The following NAV2 variants were observed in gnomAD, a reference collection of about 807,000 sequenced individuals.
NAV2 encodes the protein neuron navigator 2.
NAV2 carries 54 observed loss-of-function variants against 223.2 expected under a neutral mutation model. That is an observed-to-expected ratio of 0.24 (90% CI 0.19 to 0.30). The LOEUF is 0.30. Ranked by LOEUF, NAV2 falls within the 10% of genes least tolerant of loss-of-function variation. The probability of loss-of-function intolerance (pLI) is 1.00; values close to 1 mark genes in which losing one functional copy is unlikely to be tolerated. For synonymous variants in NAV2, 1,279 were observed against 1,239.3 expected (o/e 1.03, Z -0.67); for missense variants, 2,806 against 3,147.5 (o/e 0.89, Z 2.60).
At chr11:19,591,751 C>T (rs940827530) in intron 1 of NAV2, among the ~76,000 whole-genome samples, 7 of 152,170 alleles carry the variant, frequency 4.6e-5, no homozygotes, top group Non-Finnish European at 7.3e-5. Flanking sequence ...TAGGGCTTAG[C>T]CTTGGGAGGA....
intron 1 of NAV2, chr11:19,759,970 C>A (rs537587422): frequency 1.7e-4 from 26 of 154,350 alleles, no homozygotes; most frequent in Admixed American, 3.9e-4. Context: ...CCATAGCATC[C>A]TTCAAAGCTG....
intron 1 of NAV2, among the ~76,000 whole-genome samples, chr11:19,592,991 G>T (rs998027658): frequency 1.3e-5 from 2 of 152,100 alleles, no homozygotes; most frequent in African/African-American, 4.8e-5. Context: ...TCAGAACCAG[G>T]CAATTGACTG....
At chr11:19,868,770 T>C (rs878938731) in intron 3 of NAV2, among the ~76,000 whole-genome samples, 155 bp from the exon 4 acceptor site, 2 of 152,208 alleles carry the variant, frequency 1.3e-5, no homozygotes, top group Admixed American at 1.3e-4. Flanking sequence ...GGTAACCTTT[T>C]TCCTGTGCAA....
Position 19,880,094 on chromosome 11 carries a change from A to G in NAV2, c.737A>G (p.Gln246Arg). 1.2e-6 allele frequency: 2 copies of G among 1,604,534 alleles called. No homozygotes were observed. Among genetic ancestry groups the G allele is most frequent in the Non-Finnish European group, 8.5e-7 (1 of 1,173,970 alleles). Residue 246 changes from glutamine (Q) to arginine (R), a missense_variant, in exon 5 of 38, where the codon CAG becomes CGG. Gln to Arg is a conservative substitution (Grantham distance 43). This residue lies in a region of NAV2 where 1,167 missense variants were observed against 1,180.5 expected (regional missense o/e 0.99). Transcript: ENST00000349880. ...CAGCCTCACCAGCCAGCGCCACATC[A>G]GCAGTCAAAAGCACAAGCTGAAATG... is the stretch of plus-strand genomic sequence containing the variant. ...PCQPHQPAPH[Q>R]QSKAQAEMQS... is the part of the protein sequence containing the mutation.
intron 1 of NAV2, among the ~76,000 whole-genome samples, chr11:19,605,231 A>G (rs1261871970): frequency 6.6e-6 from 1 of 152,088 alleles, no homozygotes. Flanking sequence ...AAGAAAAAAT[A>G]CCCACAGCTG....
intron 1 of NAV2, among the ~76,000 whole-genome samples, chr11:19,720,675 C>G (rs531799488): frequency 2.6e-5 from 4 of 152,296 alleles, no homozygotes; most frequent in African/African-American, 9.6e-5. Context: ...ATACTAGTCA[C>G]GGATATCGAT....
rs890272417 is a variant in NAV2 at position 19,998,207 on chromosome 11, C to G, written c.2768+13960C>G. On this transcript the variant is annotated intron_variant, in intron 11 of 37. Transcript: ENST00000349880. The surrounding 1 kb of genome is among the most constrained non-coding windows in gnomAD (Gnocchi z 5.0). ...CCCTTTTCCTTCCAGTCGGCAAACT[C>G]CCCCCAAACAGTTTCAAATCTCTCA... 8.6e-5 allele frequency among the ~76,000 whole-genome samples: 13 copies of G among 151,952 alleles called. No homozygotes were observed. Among genetic ancestry groups the G allele is most frequent in the Non-Finnish European group, 1.6e-4 (11 of 67,992 alleles).
Position 19,712,916 on chromosome 11 carries a change from C to T in NAV2, c.-780C>T, listed in dbSNP as rs908810449. Among the ~76,000 whole-genome samples, 4 of 151,410 alleles carry T rather than the reference C, an allele frequency of 2.6e-5. No individual in the cohort carries two copies. The highest frequency in any genetic ancestry group is 1.3e-4 in the Admixed American group (2 of 15,184). ...GGCCGCTCCCGAGCGCAGCCCTGCCCGGCCCGCCAGCCGCGCGTCCCGGCG... is the reference window on the plus strand; with the variant it reads ...GGCCGCTCCCGAGCGCAGCCCTGCCTGGCCCGCCAGCCGCGCGTCCCGGCG... On this transcript the variant is annotated 5_prime_UTR_variant, in exon 1 of 38. Coordinates refer to ENST00000349880, the MANE Select transcript of NAV2 (RefSeq NM_145117.5).
intron 11 of NAV2, among the ~76,000 whole-genome samples, chr11:20,031,542 C>G (rs1051925606): frequency 1.3e-5 from 2 of 152,190 alleles, no homozygotes; most frequent in Admixed American, 1.3e-4. Context: ...TTTACTATTT[C>G]TCATGGCTGG....
At chr11:19,859,137 C>CTCTTT (rs1467179579) in intron 3 of NAV2, among the ~76,000 whole-genome samples, 2 of 107,108 alleles carry the variant, frequency 1.9e-5, no homozygotes, top group African/African-American at 6.8e-5. Flanking sequence ...ATCATATTCT[C>CTCTTT]TTTTTTTTTT....
intron 1 of NAV2, among the ~76,000 whole-genome samples, chr11:19,611,837 A>G (rs890513131): frequency 6.6e-6 from 1 of 152,204 alleles, no homozygotes; most frequent in Non-Finnish European, 1.5e-5. Flanking sequence ...GGTCTGGAGA[A>G]TGGTGGCCCT....
intron 32 of NAV2, among the ~76,000 whole-genome samples, chr11:20,101,805 C>T (rs769175048): frequency 2.0e-5 from 3 of 152,182 alleles, no homozygotes; most frequent in Non-Finnish European, 4.4e-5. Flanking sequence ...TGGAGCCTGA[C>T]CTGGTCCCAG....
At chr11:19,518,582 C>T (rs2043538730) in intron 1 of NAV2, 1 of 152,224 alleles carries the variant, frequency 6.6e-6, no homozygotes, top group Non-Finnish European at 1.5e-5. Context: ...TTTTGTTGGG[C>T]TTTTCCTTCA....
At chr11:19,924,946 A>G (rs56960950) in intron 6 of NAV2, among the ~76,000 whole-genome samples, 4,436 of 152,292 alleles carry the variant, frequency 0.029, 218 homozygotes, top group African/African-American at 0.1. Flanking sequence ...GCAGGATAAC[A>G]AGGGTCAGGG....
At chr11:19,434,120 A>C (rs1255113944) in intron 1 of NAV2, among the ~76,000 whole-genome samples, 1 of 152,176 alleles carries the variant, frequency 6.6e-6, no homozygotes, top group Non-Finnish European at 1.5e-5. Flanking sequence ...AAAAAAAAAA[A>C]AGAGGAGAAC....
intron 10 of NAV2, among the ~76,000 whole-genome samples, chr11:19,963,199 C>G (rs1322215018): frequency 6.6e-6 from 1 of 152,132 alleles, no homozygotes; most frequent in Non-Finnish European, 1.5e-5. Flanking sequence ...GTGTTGAGCT[C>G]TTTACATGCT....
Position 19,398,781 on chromosome 11 carries a change from C to T in NAV2, c.75+47754C>T, listed in dbSNP as rs140284643. Among the ~76,000 whole-genome samples the T allele has an allele frequency of 7.7e-4, 118 of 152,338 alleles. 1 individual carries two copies. The highest frequency in any genetic ancestry group is 2.8e-3 in the African/African-American group (115 of 41,584). On this transcript the variant is annotated intron_variant, in intron 1 of 37. Transcript: ENST00000360655. ...CTGTTAATCTCCTGCTCCCAAGCAG[C>T]AGCCTGCCCTGCTGGGGATCCGGGC...
intron 1 of NAV2, among the ~76,000 whole-genome samples, chr11:19,545,928 A>G (rs1026622300): frequency 2.6e-5 from 4 of 152,220 alleles, no homozygotes; most frequent in African/African-American, 9.6e-5. Flanking sequence ...TTTGTATTGT[A>G]TTGTAGTTTG....
rs1256649129 is a variant in NAV2 at position 19,695,836 on chromosome 11, G to A, written c.76-136648G>A. On this transcript the variant is annotated intron_variant, in intron 1 of 37. Coordinates refer to the NAV2 transcript ENST00000360655. ...GGAGAATCACTTGAACTCGGGAGAC[G>A]GAGGTTGCAATGAGCTGGGATCACA... Among the ~76,000 whole-genome samples the A allele has an allele frequency of 2.0e-5, 3 of 149,584 alleles. No individual in the cohort carries two copies. In the South Asian group the frequency reaches 6.3e-4, roughly 32 times the overall value.
Sources: gnomAD v4.1 joint callset for allele counts (sites outside exome capture counted in the v4.1 genomes callset) on GRCh38, gnomAD v4.1.1 for gene constraint, gnomAD v4.1.1 regional missense constraint, Gnocchi (gnomAD v3.1) non-coding constraint, MANE v1.5 for transcripts, NCBI Gene and HGNC (gene_info 2026-07-23, HGNC 2026-07-21) for gene names.